Variants in TIAL1 observed in about 807,000 individuals in gnomAD.
The protein encoded by TIAL1 is TIA1 cytotoxic granule associated RNA binding protein like 1.
Under a neutral mutation model 59.7 loss-of-function variants are expected in TIAL1, and 7 were observed. The ratio of observed to expected loss-of-function variants is 0.12; its 90% CI spans 0.07 to 0.22. The LOEUF (loss-of-function observed/expected upper bound fraction) is 0.22, where lower values mean the gene tolerates loss of function less well. Among genes scored for constraint, TIAL1 ranks in the 10% least tolerant of loss-of-function variants. The probability of loss-of-function intolerance (pLI) is 1.00; values close to 1 mark genes in which losing one functional copy is unlikely to be tolerated. For synonymous variants in TIAL1, 149 were observed against 146.3 expected, an observed-to-expected ratio of 1.02 and a Z score of -0.13; for missense variants, 225 against 462.5, an observed-to-expected ratio of 0.49 and a Z score of 4.71.
rs1844883262 is a variant in TIAL1 at position 119,574,604 on chromosome 10, A to AAAAAC, written c.*1060_*1061insGTTTT. ...TGTAAAGCAAAAAAAAAAAAAAAAA[A>AAAAAC]AAACAAAAACAAAAAACTAATTCCC... is the stretch of plus-strand genomic sequence containing the variant. On this transcript the variant is annotated 3_prime_UTR_variant, in exon 12 of 12. Transcript: ENST00000436547. The AAAAAC allele has an allele frequency of 6.7e-6, 1 of 149,102 alleles. No homozygotes were observed. Among genetic ancestry groups the AAAAAC allele is most frequent in the Non-Finnish European group, 1.5e-5 (1 of 67,376 alleles). The allele number at this position is 149,102 out of a possible 1,614,324, so 9.2% of individuals were successfully genotyped here.
At chr10:119,595,143 A>G (rs1258894186) in intron 1 of TIAL1, among the ~76,000 whole-genome samples, 1 of 152,184 alleles carries the variant, frequency 6.6e-6, no homozygotes, top group Non-Finnish European at 1.5e-5. Flanking sequence ...AAAAATCTCT[A>G]TCAATACTGA....
chr10:119,576,104 T>A (rs537400219), intron 11 of TIAL1, among the ~76,000 whole-genome samples: 1 of 151,556 alleles, frequency 6.6e-6, no homozygotes, highest in Non-Finnish European at 1.5e-5. Context: ...AACAAGTTCA[T>A]GTTGGAAACA....
In TIAL1 at chr10:119,574,599, A is replaced by AG. The variant is rs1554862519; in HGVS notation, c.*1065_*1066insC. ...AGTAATGTAAAGCAAAAAAAAAAAA[A>AG]AAAAAAAACAAAAACAAAAAACTAA... On this transcript the variant is annotated 3_prime_UTR_variant, in exon 12 of 12. Coordinates refer to ENST00000436547, the MANE Select transcript of TIAL1 (RefSeq NM_003252.4). The AG allele has an allele frequency of 2.0e-5, 3 of 150,474 alleles. No individual in the cohort carries two copies. Among genetic ancestry groups the AG allele is most frequent in the African/African-American group, 7.4e-5 (3 of 40,566 alleles). The allele number at this position is 150,474 out of a possible 1,614,324, so 9.3% of individuals were successfully genotyped here. A position where few individuals can be genotyped will look rare whatever the true frequency, so the allele number is the denominator to read the frequency against.
In TIAL1 at chr10:119,596,839, G is replaced by C. The variant is rs935658399; in HGVS notation, c.-374C>G. 1.9e-5 allele frequency: 5 copies of C among 260,360 alleles called. No individual in the cohort carries two copies. Among genetic ancestry groups the C allele is most frequent in the Non-Finnish European group, 3.8e-5 (5 of 133,040 alleles). The allele number at this position is 260,360 out of a possible 1,614,324, so 16.1% of individuals were successfully genotyped here. A position where few individuals can be genotyped will look rare whatever the true frequency, so the allele number is the denominator to read the frequency against. On this transcript the variant is annotated 5_prime_UTR_variant, in exon 1 of 12. Coordinates refer to ENST00000436547, the MANE Select transcript of TIAL1 (RefSeq NM_003252.4). Reference sequence around the variant, plus strand: ...CCCGCTCACGACGGATCACGTCGTCGCTGTGGGCCTCTGGCCGGCCGAAGC... The same window carrying C: ...CCCGCTCACGACGGATCACGTCGTCCCTGTGGGCCTCTGGCCGGCCGAAGC...
At chr10:119,578,914 C>T in intron 6 of TIAL1, 80 bp from the exon 7 acceptor site, 1 of 1,059,972 alleles carries the variant, frequency 9.4e-7, no homozygotes, top group Non-Finnish European at 1.4e-6. Flanking sequence ...AATATCGGCG[C>T]TGCTGGTTCC....
intron 8 of TIAL1, 53 bp from the exon 9 acceptor site, chr10:119,577,588 A>G: frequency 1.9e-6 from 3 of 1,607,714 alleles, no homozygotes; most frequent in African/African-American, 1.3e-5. Context: ...CATGAAATTC[A>G]TATGAACAGT....
intron 7 of TIAL1, 55 bp from the exon 8 acceptor site, chr10:119,577,791 T>C: frequency 7.0e-7 from 1 of 1,429,768 alleles, no homozygotes; most frequent in Non-Finnish European, 9.9e-7. Context: ...TATGAAACTC[T>C]TCTGTTAATT....
Position 119,596,591 on chromosome 10 carries a change from G to T in TIAL1, c.-126C>A. 1 of 713,460 alleles carries T rather than the reference G, an allele frequency of 1.4e-6. No homozygotes were observed. The highest frequency in any genetic ancestry group is 2.3e-6 in the Non-Finnish European group (1 of 432,536). The allele number at this position is 713,460 out of a possible 1,614,324, so 44.2% of individuals were successfully genotyped here. On this transcript the variant is annotated 5_prime_UTR_variant, in exon 1 of 12. Coordinates refer to ENST00000436547, the MANE Select transcript of TIAL1 (RefSeq NM_003252.4). ...GACAGAGGAAAAGGCACCGAACCCT[G>T]CTCTCGGGCTCTCTCCCCCCAGCCC... is the stretch of plus-strand genomic sequence containing the variant.
At chr10:119,584,026 AG>A (rs1441776795) in intron 2 of TIAL1, among the ~76,000 whole-genome samples, 1 of 152,216 alleles carries the variant, frequency 6.6e-6, no homozygotes, top group African/African-American at 2.4e-5. Context: ...ATGGTCTCTA[AG>A]GAAAACACTG....
intron 10 of TIAL1, 140 bp downstream of exon 10, chr10:119,576,940 C>T (rs1322588940): frequency 6.0e-6 from 8 of 1,336,506 alleles, no homozygotes; most frequent in Admixed American, 5.2e-5. Context: ...CAGTTAATAC[C>T]GCAAATAATC....
rs546980388 is a variant in TIAL1 at position 119,578,155 on chromosome 10, G to A, written c.557-419C>T. ...CAGGAGAATCGCTTGAACCTGCGAG[G>A]CGGAGGTTGCAGTGAACTGAGATCG... On this transcript the variant is annotated intron_variant, in intron 7 of 11. Transcript: ENST00000436547. Among the ~76,000 whole-genome samples the A allele has an allele frequency of 4.0e-5, 6 of 149,122 alleles. No homozygotes were observed. In the South Asian group the frequency reaches 1.1e-3, roughly 27 times the overall value.
rs376798288 is a variant in TIAL1 at position 119,574,140 on chromosome 10, G to A, written c.*1525C>T. On this transcript the variant is annotated 3_prime_UTR_variant, in exon 12 of 12. Coordinates refer to ENST00000436547, the MANE Select transcript of TIAL1 (RefSeq NM_003252.4). ...CTAGCTCTGACAATTCAAATACATA[G>A]GATTTTATCTATTTTACATTCCTGT... 3.3e-5 allele frequency: 5 copies of A among 152,602 alleles called. No homozygotes were observed. Among genetic ancestry groups the A allele is most frequent in the African/African-American group, 1.2e-4 (5 of 41,530 alleles). 9.5% of individuals were successfully genotyped at this position (152,602 alleles called of 1,614,324 possible).
In TIAL1 at chr10:119,582,141, C is replaced by T. The variant is rs765409914; in HGVS notation, c.283+28G>A. On this transcript the variant is annotated intron_variant, in intron 4 of 11. Coordinates refer to ENST00000436547, the MANE Select transcript of TIAL1 (RefSeq NM_003252.4). This position sits in a 1 kb window ranked among gnomAD's most constrained non-coding sequence, Gnocchi z 5.1. ...CTCCTGGATAATTTCAGAACTCTTC[C>T]ACAGTAAAATGCAGCAGGAGTACTT... The T allele has an allele frequency of 1.9e-6, 3 of 1,603,192 alleles. No homozygotes were observed. In the Admixed American group the frequency reaches 5.2e-5, roughly 28 times the overall value.
chr10:119,587,113 A>G (rs1845604650), intron 2 of TIAL1, among the ~76,000 whole-genome samples: 1 of 152,268 alleles, frequency 6.6e-6, no homozygotes, highest in Non-Finnish European at 1.5e-5. Flanking sequence ...AAGACAATCA[A>G]AAGGCCAATG....
At chr10:119,592,498 G>A (rs1162139164) in intron 1 of TIAL1, among the ~76,000 whole-genome samples, 1 of 152,254 alleles carries the variant, frequency 6.6e-6, no homozygotes, top group South Asian at 2.1e-4. Context: ...CACTGAATGT[G>A]CTCTCACTCT....
At chr10:119,590,354 G>A (rs1317374056) in intron 1 of TIAL1, among the ~76,000 whole-genome samples, 1 of 152,190 alleles carries the variant, frequency 6.6e-6, no homozygotes, top group Non-Finnish European at 1.5e-5. Context: ...TAACTCATAG[G>A]GGTTTGTGAG....
Position 119,575,657 on chromosome 10 carries a change from G to A in TIAL1, c.*8C>T. The A allele has an allele frequency of 6.2e-7, 1 of 1,613,086 alleles. No individual in the cohort carries two copies. Among genetic ancestry groups the A allele is most frequent in the Non-Finnish European group, 8.5e-7 (1 of 1,179,582 alleles). ...TCATGAATTACAATTTTTTTTTAGAGTCCCGGCTCACTGTGTTTGGTAACT... is the reference window on the plus strand; with the variant it reads ...TCATGAATTACAATTTTTTTTTAGAATCCCGGCTCACTGTGTTTGGTAACT... On this transcript the variant is annotated 3_prime_UTR_variant, in exon 12 of 12. Transcript: ENST00000436547.
In TIAL1 at chr10:119,596,559, G is replaced by A. The variant is rs1424854944; in HGVS notation, c.-94C>T. 4.1e-6 allele frequency: 4 copies of A among 968,600 alleles called. No homozygotes were observed. The highest frequency in any genetic ancestry group is 1.5e-6 in the Non-Finnish European group (1 of 652,894). The allele number at this position is 968,600 out of a possible 1,614,324, so 60.0% of individuals were successfully genotyped here. A position where few individuals can be genotyped will look rare whatever the true frequency, so the allele number is the denominator to read the frequency against. On this transcript the variant is annotated 5_prime_UTR_variant, in exon 1 of 12. Transcript: ENST00000436547. ...GAAGGGGAGGGGGGCTCTGGGCACC[G>A]GCTGGGGACAGAGGAAAAGGCACCG...
intron 1 of TIAL1, among the ~76,000 whole-genome samples, chr10:119,590,065 A>G (rs897148476): frequency 5.9e-5 from 9 of 152,260 alleles, no homozygotes; most frequent in African/African-American, 2.2e-4. Context: ...AAAAAACTTA[A>G]AAGATCCAAT....
Sources: gnomAD v4.1 joint callset for allele counts (sites outside exome capture counted in the v4.1 genomes callset) on GRCh38, gnomAD v4.1.1 for gene constraint, Gnocchi (gnomAD v3.1) non-coding constraint, MANE v1.5 for transcripts, NCBI Gene and HGNC (gene_info 2026-07-23, HGNC 2026-07-21) for gene names.